Variants in PDE4D observed in about 807,000 individuals in gnomAD.
PDE4D encodes phosphodiesterase 4D.
PDE4D carries 24 observed loss-of-function variants against 87.4 expected under a neutral mutation model. The observed-to-expected ratio is 0.27, with a 90% CI of 0.20 to 0.39. The LOEUF is 0.39. PDE4D is among the 10% of genes least tolerant of loss of function. PDE4D has a pLI of 1.00. For missense variants in PDE4D, 714 were observed against 1,041.0 expected, an observed-to-expected ratio of 0.69 and a Z score of 4.32; for synonymous variants, 384 against 383.2, an observed-to-expected ratio of 1.00 and a Z score of -0.02.
intron 5 of PDE4D, among the ~76,000 whole-genome samples, chr5:59,113,453 A>G (rs986791562): frequency 6.6e-6 from 1 of 152,240 alleles, no homozygotes; most frequent in Non-Finnish European, 1.5e-5. Context: ...TCTGTTATCA[A>G]AAACACATCA....
In PDE4D at chr5:59,109,859, T is replaced by C. The variant is rs76104959; in HGVS notation, c.808+70736A>G. Among the ~76,000 whole-genome samples the C allele has an allele frequency of 6.6e-4, 100 of 152,318 alleles. 2 individuals are homozygous for C. The East Asian group carries it at 0.018, about 28-fold the overall frequency. ...GCTGACAGTAATTACTTGAAGGTGT[T>C]AACATATTTGGAAAAAGAAAGTTCC... is the stretch of plus-strand genomic sequence containing the variant. On this transcript the variant is annotated intron_variant, in intron 5 of 14. Transcript: ENST00000340635.
Position 60,352,176 on chromosome 5 carries a change from C to T in PDE4D, c.-90+135766G>A, listed in dbSNP as rs145299232. ...ACTCAAAATGTTTCTATCACACCTC[C>T]ACCTTAACCAATACATACCATTCTC... On this transcript the variant is annotated intron_variant, in intron 1 of 16. Coordinates refer to the PDE4D transcript ENST00000502484. Among the ~76,000 whole-genome samples, 488 of 152,186 alleles carry T rather than the reference C, an allele frequency of 3.2e-3. 3 individuals are homozygous for T. The highest frequency in any genetic ancestry group is 0.011 in the African/African-American group (460 of 41,542).
intron 3 of PDE4D, among the ~76,000 whole-genome samples, chr5:59,929,817 C>G (rs551428172): frequency 1.3e-5 from 2 of 152,144 alleles, no homozygotes; most frequent in African/African-American, 4.8e-5. Flanking sequence ...GCTTGGGCAC[C>G]TCTTCCCAGG....
At chr5:60,036,251 A>G (rs1184802361) in intron 2 of PDE4D, among the ~76,000 whole-genome samples, 1 of 152,228 alleles carries the variant, frequency 6.6e-6, no homozygotes, top group Non-Finnish European at 1.5e-5. Context: ...AAATATCTCA[A>G]ATAATGTCCT....
intron 1 of PDE4D, among the ~76,000 whole-genome samples, chr5:59,381,375 C>G (rs1269718271): frequency 1.3e-5 from 2 of 152,130 alleles, no homozygotes; most frequent in Non-Finnish European, 2.9e-5. Context: ...CTTCTTCCTC[C>G]TTTGCTACCT....
intron 1 of PDE4D, among the ~76,000 whole-genome samples, chr5:60,443,583 C>CA (rs1745411106): frequency 6.6e-6 from 1 of 151,844 alleles, no homozygotes; most frequent in South Asian, 2.1e-4. Context: ...TTAACATTCT[C>CA]AAAAAAACAA....
chr5:59,714,396 T>C (rs932024721), intron 1 of PDE4D, among the ~76,000 whole-genome samples: 18 of 152,192 alleles, frequency 1.2e-4, no homozygotes, highest in African/African-American at 4.3e-4. Context: ...TCTGTTTGAT[T>C]AGGGAACTGG....
At chr5:60,257,157 TAAG>T (rs1164401970) in intron 1 of PDE4D, among the ~76,000 whole-genome samples, 2 of 143,848 alleles carry the variant, frequency 1.4e-5, no homozygotes, top group African/African-American at 2.6e-5. Flanking sequence ...CTGCATGTAA[TAAG>T]AAGTTATTAT....
intron 1 of PDE4D, among the ~76,000 whole-genome samples, chr5:60,190,699 T>C (rs909695385): frequency 2.0e-5 from 3 of 152,230 alleles, no homozygotes; most frequent in Admixed American, 6.5e-5. Context: ...GCTGATAATA[T>C]TGCCCTGTGC....
intron 1 of PDE4D, among the ~76,000 whole-genome samples, chr5:59,274,703 C>A (rs139826853): frequency 6.6e-6 from 1 of 152,156 alleles, no homozygotes; most frequent in African/African-American, 2.4e-5. Flanking sequence ...CATATCAAAT[C>A]ACCATTGGGG....
chr5:59,816,293 A>C (rs1183356818), intron 1 of PDE4D, among the ~76,000 whole-genome samples: 1 of 152,216 alleles, frequency 6.6e-6, no homozygotes, highest in Non-Finnish European at 1.5e-5. Context: ...TTAATTCTGA[A>C]GTTTGTCACT....
intron 1 of PDE4D, among the ~76,000 whole-genome samples, chr5:60,503,492 T>C (rs1750189107): frequency 1.3e-5 from 2 of 152,200 alleles, no homozygotes; most frequent in Admixed American, 6.5e-5. Flanking sequence ...TCTACATTCC[T>C]TTGGTATTCC....
intron 1 of PDE4D, among the ~76,000 whole-genome samples, chr5:60,240,841 C>A (rs1384977968): frequency 6.6e-6 from 1 of 152,104 alleles, no homozygotes; most frequent in Non-Finnish European, 1.5e-5. Flanking sequence ...ACCCCCGATG[C>A]AGATATGGCT....
chr5:58,977,024 T>C (rs1743982019), intron 12 of PDE4D, among the ~76,000 whole-genome samples, 167 bp downstream of exon 12: 1 of 152,182 alleles, frequency 6.6e-6, no homozygotes, highest in Non-Finnish European at 1.5e-5. Flanking sequence ...GTGAAAAACC[T>C]ATTACAGAAC....
intron 3 of PDE4D, among the ~76,000 whole-genome samples, chr5:59,940,098 C>T (rs1239817520): frequency 6.6e-6 from 1 of 152,050 alleles, no homozygotes; most frequent in South Asian, 2.1e-4. Flanking sequence ...TCTGGTGGCA[C>T]CTGGAAGAGA....
At chr5:60,474,105 CATAT>C (rs1158022321) in intron 1 of PDE4D, among the ~76,000 whole-genome samples, 1,038 of 30,840 alleles carry the variant, frequency 0.034, 14 homozygotes, top group Non-Finnish European at 0.058. Flanking sequence ...TTTGAGCTGC[CATAT>C]ATATATATAT....
chr5:60,507,572 C>G (rs752640372), intron 1 of PDE4D, among the ~76,000 whole-genome samples: 10 of 151,964 alleles, frequency 6.6e-5, no homozygotes, highest in Non-Finnish European at 1.3e-4. Flanking sequence ...AAAATTCATA[C>G]CAATTTATAC....
chr5:59,390,211 A>C (rs1388948009), intron 1 of PDE4D, among the ~76,000 whole-genome samples: 2 of 152,108 alleles, frequency 1.3e-5, no homozygotes, highest in African/African-American at 4.8e-5. Context: ...AACTTATAAT[A>C]GTTATTATTT....
intron 1 of PDE4D, among the ~76,000 whole-genome samples, chr5:59,274,399 T>A (rs1039765555): frequency 6.6e-6 from 1 of 152,138 alleles, no homozygotes; most frequent in East Asian, 1.9e-4. Flanking sequence ...GCAAATAATT[T>A]GAGTATTTAC....
Sources: gnomAD v4.1 joint callset for allele counts (sites outside exome capture counted in the v4.1 genomes callset) on GRCh38, gnomAD v4.1.1 for gene constraint, MANE v1.5 for transcripts, NCBI Gene and HGNC (gene_info 2026-07-23, HGNC 2026-07-21) for gene names.